Variants in CTIF observed in about 807,000 individuals in gnomAD.
CTIF encodes CBP80/20-dependent translation initiation factor.
In CTIF, 21 loss-of-function variants were observed where a neutral mutation model predicts 66.0. The observed-to-expected ratio is 0.32, with a 90% CI of 0.23 to 0.46. The LOEUF is 0.46. Among genes scored for constraint, CTIF ranks in the 20% least tolerant of loss-of-function variants. CTIF has a pLI of 1.00. For missense variants in CTIF, 739 were observed against 812.7 expected, an observed-to-expected ratio of 0.91 and a Z score of 1.10; for synonymous variants, 345 against 326.4, an observed-to-expected ratio of 1.06 and a Z score of -0.62.
chr18:48,671,254 A>G (rs1568121939), intron 6 of CTIF, among the ~76,000 whole-genome samples: 1 of 152,108 alleles, frequency 6.6e-6, no homozygotes, highest in Non-Finnish European at 1.5e-5. Flanking sequence ...CAGGACAAAG[A>G]GGATTCACTC....
At chr18:48,600,162 G>A (rs2090065193) in intron 1 of CTIF, among the ~76,000 whole-genome samples, 1 of 152,082 alleles carries the variant, frequency 6.6e-6, no homozygotes, top group Non-Finnish European at 1.5e-5. Context: ...CAACCCCCGA[G>A]GCATGCAATA....
chr18:48,685,030 A>ATTTTTTTTTTTTTTTTTTTTTTTTTTT (rs35327726), intron 6 of CTIF, among the ~76,000 whole-genome samples: 1 of 133,626 alleles, frequency 7.5e-6, no homozygotes, highest in Non-Finnish European at 1.6e-5. Context: ...GTTTGTTTGT[A>ATTTTTTTTTTTTTTTTTTTTTTTTTTT]TTTTTTTTTT....
intron 3 of CTIF, among the ~76,000 whole-genome samples, chr18:48,652,262 G>C (rs2091169368): frequency 6.6e-6 from 1 of 152,106 alleles, no homozygotes; most frequent in African/African-American, 2.4e-5. Flanking sequence ...AGAAAAGAGA[G>C]AAGAATCAAA....
chr18:48,705,282 A>C (rs79506796), intron 6 of CTIF, among the ~76,000 whole-genome samples: 3,352 of 152,222 alleles, frequency 0.022, 40 homozygotes, highest in Middle Eastern at 0.068. Flanking sequence ...CGTGGCTGCC[A>C]GCAATCCTTG....
chr18:48,705,612 TTTACAGATGGGG>T (rs2092142521), intron 6 of CTIF, among the ~76,000 whole-genome samples: 1 of 152,146 alleles, frequency 6.6e-6, no homozygotes, highest in Admixed American at 6.5e-5. Context: ...ACACCAGGAC[TTTACAGATGGGG>T]TCACACTGTG....
At chr18:48,557,218 C>A (rs898520672) in intron 1 of CTIF, among the ~76,000 whole-genome samples, 1 of 152,060 alleles carries the variant, frequency 6.6e-6, no homozygotes, top group African/African-American at 2.4e-5. Context: ...TTGAAGGCCC[C>A]CTGCAAAACT....
At chr18:48,742,941 C>T (rs2092567227) in intron 7 of CTIF, among the ~76,000 whole-genome samples, 1 of 152,210 alleles carries the variant, frequency 6.6e-6, no homozygotes, top group Non-Finnish European at 1.5e-5. Flanking sequence ...GTCTATCACT[C>T]AGCAGCCCAG....
chr18:48,778,644 C>T (rs1252310402), intron 9 of CTIF, among the ~76,000 whole-genome samples: 1 of 152,180 alleles, frequency 6.6e-6, no homozygotes, highest in Non-Finnish European at 1.5e-5. Context: ...CATCAACCAC[C>T]GTGGGACTGT....
chr18:48,561,987 G>A (rs2089173742), intron 1 of CTIF, among the ~76,000 whole-genome samples: 1 of 152,020 alleles, frequency 6.6e-6, no homozygotes. Flanking sequence ...GCTTTTGGCT[G>A]GTTACAAAAA....
At chr18:48,586,565 C>A (rs771492416) in intron 1 of CTIF, among the ~76,000 whole-genome samples, 1 of 152,190 alleles carries the variant, frequency 6.6e-6, no homozygotes, top group African/African-American at 2.4e-5. Context: ...GCCACCACGC[C>A]CGGCCTTAAA....
At chr18:48,630,591 T>C (rs2090685277) in intron 2 of CTIF, among the ~76,000 whole-genome samples, 1 of 152,226 alleles carries the variant, frequency 6.6e-6, no homozygotes, top group East Asian at 1.9e-4. Context: ...AATTTGCTTG[T>C]GGGTGCAGTT....
chr18:48,603,499 G>GGA (rs1568065426), intron 1 of CTIF, among the ~76,000 whole-genome samples: 24 of 113,048 alleles, frequency 2.1e-4, no homozygotes, highest in South Asian at 3.4e-4. Context: ...GGGTGGGTGG[G>GGA]TGGATGGATG....
intron 9 of CTIF, among the ~76,000 whole-genome samples, chr18:48,815,371 C>G (rs1183827921): frequency 6.6e-6 from 1 of 152,244 alleles, no homozygotes; most frequent in Non-Finnish European, 1.5e-5. Context: ...TCCTCAGATT[C>G]TCCATCTATA....
chr18:48,772,193 C>T (rs1017336233), intron 9 of CTIF, among the ~76,000 whole-genome samples: 2 of 152,150 alleles, frequency 1.3e-5, no homozygotes, highest in African/African-American at 2.4e-5. Flanking sequence ...CAGAGGCCTG[C>T]CCCAGTATTA....
chr18:48,663,117 A>C (rs1431589511), intron 3 of CTIF, among the ~76,000 whole-genome samples: 1 of 152,130 alleles, frequency 6.6e-6, no homozygotes, highest in Non-Finnish European at 1.5e-5. Flanking sequence ...ACCAGATTGC[A>C]GGGGTAAGAA....
chr18:48,581,660 G>A (rs1487440894), intron 1 of CTIF, among the ~76,000 whole-genome samples: 1 of 152,290 alleles, frequency 6.6e-6, no homozygotes, highest in East Asian at 1.9e-4. Flanking sequence ...GGCAGCCAGT[G>A]ACCCCTTCCA....
chr18:48,598,533 C>T (rs1422581711), intron 1 of CTIF, among the ~76,000 whole-genome samples: 1 of 152,170 alleles, frequency 6.6e-6, no homozygotes, highest in African/African-American at 2.4e-5. Context: ...GCAATAAGCT[C>T]ATGGCAGGTA....
At chr18:48,810,234 C>T (rs1438644730) in intron 9 of CTIF, among the ~76,000 whole-genome samples, 1 of 152,068 alleles carries the variant, frequency 6.6e-6, no homozygotes, top group Non-Finnish European at 1.5e-5. Context: ...TTCAAGGGCT[C>T]AATATATTGT....
rs1478683328 is a variant in CTIF, at chr18:48,561,026, G to C, written c.-29+21714G>C. Among the ~76,000 whole-genome samples, 3 of 152,234 alleles carry C rather than the reference G, an allele frequency of 2.0e-5. No homozygotes were observed. In the South Asian group the frequency reaches 6.2e-4, roughly 32 times the overall value. ...AGCTAAGGCAGGCAGATCACTTGAG[G>C]TCAGGAGTTCGAGACCAGCCTGGCC... On this transcript the variant is annotated intron_variant, in intron 1 of 11. Transcript: ENST00000256413.
Sources: gnomAD v4.1 joint callset for allele counts (sites outside exome capture counted in the v4.1 genomes callset) on GRCh38, gnomAD v4.1.1 for gene constraint, MANE v1.5 for transcripts, NCBI Gene and HGNC (gene_info 2026-07-23, HGNC 2026-07-21) for gene names.